TRIM5: variants seen among roughly 807,000 people sequenced by gnomAD.
TRIM5 encodes tripartite motif containing 5.
Under a neutral mutation model 35.6 loss-of-function variants are expected in TRIM5, and 31 were observed. The ratio of observed to expected loss-of-function variants is 0.87; its 90% CI spans 0.65 to 1.18. The LOEUF (loss-of-function observed/expected upper bound fraction) is 1.18. Ranked by LOEUF, TRIM5 falls within the 50% of genes most tolerant of loss-of-function variation. TRIM5 has a pLI of 0.00. For synonymous variants in TRIM5, 243 were observed against 215.6 expected (o/e 1.13, Z -1.11); for missense variants, 609 against 591.6 (o/e 1.03, Z -0.31).
the TRIM5 span, chr11:5,605,692 G>C: frequency 2.5e-6 from 3 of 1,182,180 alleles, no homozygotes; most frequent in Non-Finnish European, 3.5e-6. Flanking sequence ...TGGCGCTATA[G>C]TGCCTATCCC....
At chr11:5,595,370 G>C in the TRIM5 span, 16 of 152,164 alleles carry the variant, frequency 1.1e-4, no homozygotes, top group Non-Finnish European at 2.2e-4. Context: ...AACAAAGATT[G>C]TCTTCTAGTT....
At chr11:5,674,490 AAG>A (rs1299133321) in intron 4 of TRIM5, among the ~76,000 whole-genome samples, 1 of 152,230 alleles carries the variant, frequency 6.6e-6, no homozygotes, top group Admixed American at 6.5e-5. Context: ...CACAAGGAGA[AAG>A]AGGGGAAAAT....
the TRIM5 span, among the ~76,000 whole-genome samples, chr11:5,597,376 A>G: frequency 3.3e-4 from 51 of 152,280 alleles, no homozygotes; most frequent in African/African-American, 1.0e-3. Context: ...AATCAAAACA[A>G]TTTTTAAATT....
At chr11:5,656,624 G>A in the TRIM5 span, among the ~76,000 whole-genome samples, 1 of 151,996 alleles carries the variant, frequency 6.6e-6, no homozygotes, top group Non-Finnish European at 1.5e-5. Flanking sequence ...AAAGTACTGG[G>A]ATTATAGGCG....
chr11:5,613,352 C>T, the TRIM5 span, among the ~76,000 whole-genome samples: 2 of 152,212 alleles, frequency 1.3e-5, no homozygotes, highest in Non-Finnish European at 2.9e-5. Context: ...TGATGAAACA[C>T]TGATTTGTTA....
chr11:5,666,896 G>A (rs1476267006), intron 5 of TRIM5, among the ~76,000 whole-genome samples: 1 of 152,108 alleles, frequency 6.6e-6, no homozygotes, highest in Non-Finnish European at 1.5e-5. Context: ...TCTGATTTTG[G>A]AAATCTAAAT....
the TRIM5 span, chr11:5,632,412 T>C: frequency 6.2e-7 from 1 of 1,613,690 alleles, no homozygotes; most frequent in Admixed American, 1.7e-5. Flanking sequence ...AACCCTTGAG[T>C]CTAGACTGTG....
At chr11:5,641,161 T>G in the TRIM5 span, 8 of 1,613,690 alleles carry the variant, frequency 5.0e-6, no homozygotes, top group Non-Finnish European at 6.8e-6. Flanking sequence ...TCTCTTTTCT[T>G]TCTAGGACAT....
chr11:5,610,778 T>A, the TRIM5 span: 2 of 1,613,896 alleles, frequency 1.2e-6, no homozygotes, highest in Admixed American at 3.3e-5. Flanking sequence ...TTCCTACAGT[T>A]GACGTGACCC....
the TRIM5 span, among the ~76,000 whole-genome samples, chr11:5,609,693 A>T: frequency 1.3e-5 from 2 of 152,124 alleles, no homozygotes; most frequent in Non-Finnish European, 2.9e-5. Context: ...GAGGCTGAGG[A>T]GGGCAGATCA....
the TRIM5 span, among the ~76,000 whole-genome samples, chr11:5,637,964 G>A: frequency 2.6e-5 from 4 of 152,254 alleles, no homozygotes; most frequent in East Asian, 3.9e-4. Context: ...ATAACACCTG[G>A]AATTACTCTT....
chr11:5,678,196 CT>C lies in TRIM5; in HGVS notation c.744+7del. The C allele has an allele frequency of 6.3e-7, 1 of 1,598,438 alleles. No individual in the cohort carries two copies. Among genetic ancestry groups the C allele is most frequent in the Non-Finnish European group, 8.5e-7 (1 of 1,169,642 alleles). Reference sequence around the variant, plus strand: ...ATCTCAGTGCTCAGGCTTCTTTCCACTTTTTACCTGAAGCAGCTCCATCACT... The same window carrying C: ...ATCTCAGTGCTCAGGCTTCTTTCCACTTTTACCTGAAGCAGCTCCATCACT... On this transcript the variant is annotated splice_region_variant and intron_variant, in intron 4 of 7. Transcript: ENST00000380034.
intron 1 of TRIM5, among the ~76,000 whole-genome samples, chr11:5,680,781 T>C (rs1011751735): frequency 6.6e-6 from 1 of 152,236 alleles, no homozygotes; most frequent in African/African-American, 2.4e-5. Context: ...TTTGCAATGA[T>C]TGCTCTTATT....
the TRIM5 span, among the ~76,000 whole-genome samples, chr11:5,647,437 C>A: frequency 6.6e-6 from 1 of 151,884 alleles, no homozygotes; most frequent in Non-Finnish European, 1.5e-5. Context: ...TCTTCTATAC[C>A]CACAGGAAAA....
At chr11:5,676,693 C>T (rs1418012878) in intron 4 of TRIM5, among the ~76,000 whole-genome samples, 6 of 149,692 alleles carry the variant, frequency 4.0e-5, no homozygotes, top group Non-Finnish European at 8.9e-5. Context: ...CACTACCTGA[C>T]TTCAAACTAT....
intron 5 of TRIM5, among the ~76,000 whole-genome samples, chr11:5,666,658 C>A (rs1211097558): frequency 6.6e-6 from 1 of 152,200 alleles, no homozygotes; most frequent in Non-Finnish European, 1.5e-5. Flanking sequence ...ATTACAAACA[C>A]TTGGCAAATG....
At chr11:5,642,518 C>G in the TRIM5 span, 1 of 1,612,366 alleles carries the variant, frequency 6.2e-7, no homozygotes, top group Non-Finnish European at 8.5e-7. Flanking sequence ...TGAGGAGAAG[C>G]AGACAAAGAC....
At chr11:5,635,140 T>C in the TRIM5 span, among the ~76,000 whole-genome samples, 1 of 152,220 alleles carries the variant, frequency 6.6e-6, no homozygotes, top group Non-Finnish European at 1.5e-5. Context: ...CTCTTTACTC[T>C]GGTTAGTCAC....
At chr11:5,632,221 C>T in the TRIM5 span, 1 of 1,540,634 alleles carries the variant, frequency 6.5e-7, no homozygotes, top group East Asian at 2.3e-5. Context: ...TTTATTTGTA[C>T]CATTCTTATA....
Sources: gnomAD v4.1 joint callset for allele counts (sites outside exome capture counted in the v4.1 genomes callset) on GRCh38, gnomAD v4.1.1 for gene constraint, MANE v1.5 for transcripts, NCBI Gene and HGNC (gene_info 2026-07-23, HGNC 2026-07-21) for gene names.